The following CCDC146 variants were observed in gnomAD, a reference collection of about 807,000 sequenced individuals.
CCDC146 encodes the protein coiled-coil domain containing 146.
CCDC146 carries 92 observed loss-of-function variants against 119.3 expected under a neutral mutation model. That is an observed-to-expected ratio of 0.77 (90% confidence interval 0.65 to 0.92). The LOEUF (loss-of-function observed/expected upper bound fraction) is 0.92, where lower values mean the gene tolerates loss of function less well. Among genes scored for constraint, CCDC146 ranks in the 40% least tolerant of loss-of-function variants. The pLI, the probability that CCDC146 is intolerant of heterozygous loss-of-function variation, is 0.00. For synonymous variants in CCDC146, 372 were observed against 371.8 expected, an observed-to-expected ratio of 1.00 and a Z score of -0.01; for missense variants, 1,000 against 1,103.0, an observed-to-expected ratio of 0.91 and a Z score of 1.32.
chr7:77,198,139 G>A, intron 2 of CCDC146: 1 of 985,424 alleles, frequency 1.0e-6, no homozygotes, highest in Non-Finnish European at 1.2e-6. Context: ...GTGAACCTTG[G>A]ATTCGCAGTG....
At chr7:77,262,621 T>C (rs939510978) in intron 9 of CCDC146, among the ~76,000 whole-genome samples, 5 of 152,138 alleles carry the variant, frequency 3.3e-5, no homozygotes, top group African/African-American at 1.2e-4. Context: ...GCCAAGTGGA[T>C]CATTATTTTC....
intron 5 of CCDC146, 86 bp from the exon 6 acceptor site, chr7:77,256,247 T>G: frequency 1.1e-6 from 1 of 875,390 alleles, no homozygotes; most frequent in Non-Finnish European, 1.7e-6. Flanking sequence ...ATCAAAATGG[T>G]GGGTGAAATT....
chr7:77,186,901 C>T (rs1791676692), intron 2 of CCDC146, among the ~76,000 whole-genome samples: 1 of 152,164 alleles, frequency 6.6e-6, no homozygotes, highest in African/African-American at 2.4e-5. Context: ...TGTTTGAATG[C>T]AATTTGAACA....
At chr7:77,242,185 A>G (rs183092380) in intron 4 of CCDC146, among the ~76,000 whole-genome samples, 1 of 152,338 alleles carries the variant, frequency 6.6e-6, no homozygotes, top group East Asian at 1.9e-4. Context: ...CAAACCAGTT[A>G]TTAGCATTCC....
At position 77,294,996 on chromosome 7, in the gene CCDC146, C is replaced by A; in HGVS notation, c.*130C>A. On this transcript the variant is annotated 3_prime_UTR_variant, in exon 19 of 19. Coordinates refer to ENST00000285871, the MANE Select transcript of CCDC146 (RefSeq NM_020879.3). ...TAAGGTAACCACAATTAGTCAGCAA[C>A]AGAGTACAACAGGGTTTCTATTTAC... 1 of 694,562 alleles carries A rather than the reference C, an allele frequency of 1.4e-6. No individual in the cohort carries two copies. Among genetic ancestry groups the A allele is most frequent in the Non-Finnish European group, 2.4e-6 (1 of 420,726 alleles). 43.0% of individuals were successfully genotyped at this position (694,562 alleles called of 1,614,324 possible). A position where few individuals can be genotyped will look rare whatever the true frequency, so the allele number is the denominator to read the frequency against.
At chr7:77,249,077 C>T (rs899073607) in intron 4 of CCDC146, among the ~76,000 whole-genome samples, 14 of 152,130 alleles carry the variant, frequency 9.2e-5, no homozygotes, top group African/African-American at 3.4e-4. Context: ...TGGATCTGTG[C>T]ACTTTTGATA....
intron 9 of CCDC146, among the ~76,000 whole-genome samples, chr7:77,265,292 G>C (rs1471177106): frequency 6.6e-6 from 1 of 152,120 alleles, no homozygotes; most frequent in South Asian, 2.1e-4. Context: ...AACAATTCCT[G>C]TTTATTGATC....
At chr7:77,164,413 A>G (rs1408685178) in intron 1 of CCDC146, among the ~76,000 whole-genome samples, 2 of 152,248 alleles carry the variant, frequency 1.3e-5, no homozygotes, top group African/African-American at 4.8e-5. Context: ...GTTATTTAAA[A>G]AAAACACTTT....
intron 1 of CCDC146, among the ~76,000 whole-genome samples, chr7:77,123,134 G>A (rs767888495): frequency 8.7e-5 from 13 of 149,958 alleles, no homozygotes; most frequent in Non-Finnish European, 1.6e-4. Flanking sequence ...TTATTTCAAC[G>A]TACTTAACAT....
intron 2 of CCDC146, among the ~76,000 whole-genome samples, chr7:77,203,371 A>G (rs1301987371): frequency 6.8e-6 from 1 of 146,828 alleles, no homozygotes; most frequent in Non-Finnish European, 1.5e-5. Flanking sequence ...TTAAGCATTG[A>G]CAAGCCACCA....
At chr7:77,274,270 A>G (rs1336508035) in intron 10 of CCDC146, among the ~76,000 whole-genome samples, 2 of 152,096 alleles carry the variant, frequency 1.3e-5, no homozygotes, top group Non-Finnish European at 2.9e-5. Context: ...GGATCTTGCT[A>G]TGTTGCTCAG....
chr7:77,183,153 C>T (rs1791615310), intron 2 of CCDC146, among the ~76,000 whole-genome samples: 1 of 152,144 alleles, frequency 6.6e-6, no homozygotes, highest in Non-Finnish European at 1.5e-5. Flanking sequence ...TCCCACACCT[C>T]TTTCTTCCCT....
intron 2 of CCDC146, among the ~76,000 whole-genome samples, chr7:77,209,992 G>A (rs979642986): frequency 5.9e-5 from 9 of 152,188 alleles, no homozygotes; most frequent in African/African-American, 2.2e-4. Flanking sequence ...AGGGGCTGCC[G>A]TGAAGATCTG....
rs189410425 is a variant in CCDC146 at position 77,143,359 on chromosome 7, T to A, written c.-12+20627T>A. On this transcript the variant is annotated intron_variant, in intron 1 of 18. Transcript: ENST00000285871. The stretch of plus-strand genomic sequence containing the variant: ...AGATTACAAAAATTTTCTCCCATTC[T>A]GTAGGTTGCCTCTTCACTCTGATGG... Among the ~76,000 whole-genome samples the A allele has an allele frequency of 1.6e-4, 24 of 152,016 alleles. No homozygotes were observed. The East Asian group carries it at 4.4e-3, about 28-fold the overall frequency.
Position 77,294,736 on chromosome 7 carries a change from A to G in CCDC146, c.2738A>G (p.Tyr913Cys), listed in dbSNP as rs764150001. 4 of 1,614,078 alleles carry G rather than the reference A, an allele frequency of 2.5e-6. No individual in the cohort carries two copies. Among genetic ancestry groups the G allele is most frequent in the South Asian group, 1.1e-5 (1 of 91,096 alleles). ...YTTAEQRPNA[Y>C]IPEADATLPL... The stretch of plus-strand genomic sequence containing the variant: ...ACTGCAGAGCAGCGTCCGAATGCCT[A>G]CATCCCAGAAGCAGATGCCACTCTT... Residue 913 changes from tyrosine (Y) to cysteine (C), a missense_variant, in exon 19 of 19, where the codon TAC becomes TGC. Tyr to Cys is a radical substitution (Grantham distance 194). This residue lies in a region of CCDC146 where 985 missense variants were observed against 1,045.3 expected (regional missense o/e 0.94). Coordinates refer to ENST00000285871, the MANE Select transcript of CCDC146 (RefSeq NM_020879.3).
intron 1 of CCDC146, among the ~76,000 whole-genome samples, chr7:77,143,233 A>G (rs1380680564): frequency 6.6e-6 from 1 of 151,648 alleles, no homozygotes; most frequent in African/African-American, 2.4e-5. Flanking sequence ...GTGTCTGTTC[A>G]TATCCTTCGC....
intron 2 of CCDC146, among the ~76,000 whole-genome samples, chr7:77,174,436 A>G (rs2150412242): frequency 6.6e-6 from 1 of 152,356 alleles, no homozygotes; most frequent in East Asian, 1.9e-4. Flanking sequence ...TGTACACGGA[A>G]TAGGAGCTCA....
intron 7 of CCDC146, 95 bp downstream of exon 7, chr7:77,259,163 T>C (rs745356977): frequency 2.8e-6 from 2 of 705,424 alleles, no homozygotes; most frequent in Admixed American, 6.1e-5. Flanking sequence ...ATTAAATTAC[T>C]ATGATAATTT....
At chr7:77,263,753 G>A (rs1394524384) in intron 9 of CCDC146, among the ~76,000 whole-genome samples, 1 of 152,136 alleles carries the variant, frequency 6.6e-6, no homozygotes, top group Non-Finnish European at 1.5e-5. Flanking sequence ...GTGAAACCCT[G>A]TCTCTACTAA....
Sources: gnomAD v4.1 joint callset for allele counts (sites outside exome capture counted in the v4.1 genomes callset) on GRCh38, gnomAD v4.1.1 for gene constraint, gnomAD v4.1.1 regional missense constraint, MANE v1.5 for transcripts, NCBI Gene and HGNC (gene_info 2026-07-23, HGNC 2026-07-21) for gene names.